The following TTC8 variants were observed in gnomAD, a reference collection of about 807,000 sequenced individuals.
TTC8 encodes the protein tetratricopeptide repeat protein 8.
Under a neutral mutation model 72.5 loss-of-function variants are expected in TTC8, and 47 were observed. That is an observed-to-expected ratio of 0.65 (90% confidence interval 0.51 to 0.83). TTC8 has a LOEUF of 0.83. Ranked by LOEUF, TTC8 falls within the 40% of genes least tolerant of loss-of-function variation. TTC8 has a pLI of 0.00. For synonymous variants in TTC8, 199 were observed against 221.4 expected, an observed-to-expected ratio of 0.90 and a Z score of 0.90; for missense variants, 611 against 623.2, an observed-to-expected ratio of 0.98 and a Z score of 0.21.
chr14:88,825,105 A>C (rs970111147), intron 1 of TTC8, among the ~76,000 whole-genome samples: 4 of 152,180 alleles, frequency 2.6e-5, no homozygotes, highest in African/African-American at 7.2e-5. Flanking sequence ...CCTGAACTTT[A>C]CTTGACGAGG....
chr14:88,868,147 G>A (rs1050427266), intron 10 of TTC8, among the ~76,000 whole-genome samples: 2 of 152,076 alleles, frequency 1.3e-5, no homozygotes, highest in African/African-American at 4.8e-5. Flanking sequence ...TCTCGCTCTG[G>A]GTTAAACAGA....
chr14:88,844,842 A>T (rs547014475), intron 7 of TTC8, among the ~76,000 whole-genome samples: 2 of 152,208 alleles, frequency 1.3e-5, no homozygotes, highest in South Asian at 4.1e-4. Context: ...GTGAGCCACC[A>T]TAGCCATCCC....
rs772967779 is a variant in TTC8, at chr14:88,824,780, G to A, written c.73G>A (p.Asp25Asn). The A allele has an allele frequency of 1.2e-6, 2 of 1,613,326 alleles. No individual in the cohort carries two copies. The highest frequency in any genetic ancestry group is 1.7e-5 in the Admixed American group (1 of 59,944). Residue 25 changes from aspartate to asparagine, a missense_variant, in exon 1 of 15, where the codon GAT becomes AAT. Physicochemically the swap from Asp to Asn is conservative, Grantham distance 23 (BLOSUM62 1). Coordinates refer to ENST00000380656, the MANE Select transcript of TTC8 (RefSeq NM_144596.4). ...FRRRKFQLCA[D>N]LCTQMLEKSP... ...GCGCAGGAAGTTCCAGCTCTGCGCC[G>A]ATCTATGCACGCAGATGCTGGAGAA...
intron 2 of TTC8, among the ~76,000 whole-genome samples, chr14:88,837,240 A>C (rs1030596124): frequency 6.6e-6 from 1 of 151,146 alleles, no homozygotes; most frequent in African/African-American, 2.4e-5. Flanking sequence ...CTTCACCTAC[A>C]CTCAATTCTC....
At chr14:88,855,012 A>G (rs1305601302) in intron 8 of TTC8, among the ~76,000 whole-genome samples, 1 of 152,128 alleles carries the variant, frequency 6.6e-6, no homozygotes, top group East Asian at 1.9e-4. Context: ...TGTCCTTTTC[A>G]ATGAAACCAA....
chr14:88,843,859 T>C lies in TTC8; in HGVS notation c.624+9T>C, dbSNP rs1276047366. ...AAAATGATGTTAAGACTGTAAGTTT[T>C]GAATTCATGCTATTTTCTTTTATTG... On this transcript the variant is annotated intron_variant, in intron 7 of 14. Coordinates refer to ENST00000380656, the MANE Select transcript of TTC8 (RefSeq NM_144596.4). 6.4e-7 allele frequency: 1 copy of C among 1,563,926 alleles called. No individual in the cohort carries two copies. The highest frequency in any genetic ancestry group is 2.3e-5 in the East Asian group (1 of 44,268).
Position 88,877,657 on chromosome 14 carries a change from T to C in TTC8, c.*247T>C, listed in dbSNP as rs886050879. Reference sequence around the variant, plus strand: ...TTTCTAAATAGATCCTGAAACTGTCTCTCACATTATATAGTAGATGTTTGT... The same window carrying C: ...TTTCTAAATAGATCCTGAAACTGTCCCTCACATTATATAGTAGATGTTTGT... On this transcript the variant is annotated 3_prime_UTR_variant, in exon 15 of 15. Coordinates refer to ENST00000380656, the MANE Select transcript of TTC8 (RefSeq NM_144596.4). 40 of 323,786 alleles carry C rather than the reference T, an allele frequency of 1.2e-4. No individual in the cohort carries two copies. The highest frequency in any genetic ancestry group is 2.1e-4 in the Non-Finnish European group (37 of 174,660). The allele number at this position is 323,786 out of a possible 1,614,324, so 20.1% of individuals were successfully genotyped here. A position where few individuals can be genotyped will look rare whatever the true frequency, so the allele number is the denominator to read the frequency against.
At position 88,871,506 on chromosome 14, in the gene TTC8, A is replaced by T. The variant is rs1435529524; in HGVS notation, c.1050-43A>T. 1 of 1,597,220 alleles carries T rather than the reference A, an allele frequency of 6.3e-7. No individual in the cohort carries two copies. On this transcript the variant is annotated intron_variant, in intron 11 of 14. Transcript: ENST00000380656. This position sits in a 1 kb window ranked among gnomAD's most constrained non-coding sequence, Gnocchi z 4.1. ...ATATATATATGTCTTAAAACTTACA[A>T]AGTTGGTCTGACACCAAAATTTGTG...
intron 8 of TTC8, among the ~76,000 whole-genome samples, chr14:88,855,942 G>A (rs1416047078): frequency 3.9e-5 from 6 of 152,130 alleles, no homozygotes; most frequent in Admixed American, 6.5e-5. Context: ...AAAGTTAGTC[G>A]GGCATAGTGG....
At chr14:88,858,294 T>G (rs1215918414) in intron 9 of TTC8, among the ~76,000 whole-genome samples, 1 of 152,088 alleles carries the variant, frequency 6.6e-6, no homozygotes, top group Non-Finnish European at 1.5e-5. Context: ...AAGTTACTTC[T>G]TGACCCTCAC....
chr14:88,824,671 C>T lies in TTC8; in HGVS notation c.-37C>T, dbSNP rs2094689747. 9 of 1,532,440 alleles carry T rather than the reference C, an allele frequency of 5.9e-6. No individual in the cohort carries two copies. Among genetic ancestry groups the T allele is most frequent in the Non-Finnish European group, 8.0e-6 (9 of 1,124,782 alleles). 94.9% of individuals were successfully genotyped at this position (1,532,440 alleles called of 1,614,324 possible). ...TCTTCACTCCACGCCCACCTCTCTC[C>T]TGGAGCGCTGGGCCTTCGCTGGCCG... is the stretch of plus-strand genomic sequence containing the variant. On this transcript the variant is annotated 5_prime_UTR_variant, in exon 1 of 15. Coordinates refer to ENST00000380656, the MANE Select transcript of TTC8 (RefSeq NM_144596.4).
chr14:88,857,010 A>G (rs1409349024), intron 8 of TTC8, among the ~76,000 whole-genome samples, 180 bp from the exon 9 acceptor site: 1 of 152,224 alleles, frequency 6.6e-6, no homozygotes, highest in Non-Finnish European at 1.5e-5. Flanking sequence ...GCCAGTGAAT[A>G]TGGGAGATAG....
intron 13 of TTC8, 130 bp from the exon 14 acceptor site, chr14:88,874,896 T>A (rs2094950256): frequency 3.2e-6 from 2 of 626,360 alleles, no homozygotes; most frequent in Admixed American, 6.3e-5. Flanking sequence ...TTGTCGGTAT[T>A]TATCACAGGC....
At chr14:88,850,363 C>T (rs2094828016) in intron 7 of TTC8, among the ~76,000 whole-genome samples, 2 of 152,182 alleles carry the variant, frequency 1.3e-5, no homozygotes, top group Admixed American at 1.3e-4. Flanking sequence ...AGAGGATTAT[C>T]TGTCCTCAGG....
At chr14:88,861,353 T>C (rs756925799) in intron 10 of TTC8, 21 bp downstream of exon 10, 14 of 1,501,738 alleles carry the variant, frequency 9.3e-6, no homozygotes, top group Non-Finnish European at 1.3e-5. Flanking sequence ...TTATTATTAT[T>C]ATTATTTATT....
chr14:88,877,467 C>A lies in TTC8; in HGVS notation c.*57C>A. ...GCAGCATTATGCAAGGGGAAAAAAG[C>A]ACTATGTCTGTGTATGTATGTATAT... On this transcript the variant is annotated 3_prime_UTR_variant, in exon 15 of 15. Coordinates refer to ENST00000380656, the MANE Select transcript of TTC8 (RefSeq NM_144596.4). The A allele has an allele frequency of 7.2e-7, 1 of 1,385,618 alleles. No individual in the cohort carries two copies. Among genetic ancestry groups the A allele is most frequent in the Non-Finnish European group, 1.0e-6 (1 of 972,442 alleles). The allele number at this position is 1,385,618 out of a possible 1,614,324, so 85.8% of individuals were successfully genotyped here. A position where few individuals can be genotyped will look rare whatever the true frequency, so the allele number is the denominator to read the frequency against.
At chr14:88,876,374 C>G (rs1003861058) in intron 14 of TTC8, among the ~76,000 whole-genome samples, 1 of 152,068 alleles carries the variant, frequency 6.6e-6, no homozygotes, top group Admixed American at 6.6e-5. Context: ...AGAAATCTAC[C>G]AGAATTTATC....
At chr14:88,853,734 A>T (rs2094844032) in intron 8 of TTC8, among the ~76,000 whole-genome samples, 1 of 152,210 alleles carries the variant, frequency 6.6e-6, no homozygotes, top group African/African-American at 2.4e-5. Context: ...TGTATTTTAA[A>T]GCAAATTAAC....
chr14:88,833,868 T>G, intron 2 of TTC8, 146 bp downstream of exon 2: 2 of 714,252 alleles, frequency 2.8e-6, no homozygotes, highest in Non-Finnish European at 5.0e-6. Context: ...TGTGCCTTCT[T>G]ATGTAAATAA....
Sources: gnomAD v4.1 joint callset for allele counts (sites outside exome capture counted in the v4.1 genomes callset) on GRCh38, gnomAD v4.1.1 for gene constraint, Gnocchi (gnomAD v3.1) non-coding constraint, MANE v1.5 for transcripts, NCBI Gene and HGNC (gene_info 2026-07-23, HGNC 2026-07-21) for gene names.